The following FOLH1 variants were observed in gnomAD, a reference collection of about 807,000 sequenced individuals.
FOLH1 encodes the protein glutamate carboxypeptidase 2.
A neutral mutation model predicts 93.9 loss-of-function variants in FOLH1; 54 were observed. The ratio of observed to expected loss-of-function variants is 0.57; its 90% CI spans 0.46 to 0.72. The LOEUF (loss-of-function observed/expected upper bound fraction) is 0.72, where lower values mean the gene tolerates loss of function less well. Among genes scored for constraint, FOLH1 ranks in the 30% least tolerant of loss-of-function variants. FOLH1 has a pLI of 0.00. For missense variants in FOLH1, 571 were observed against 892.5 expected, an observed-to-expected ratio of 0.64 and a Z score of 4.59; for synonymous variants, 249 against 303.6, an observed-to-expected ratio of 0.82 and a Z score of 1.87.
rs774222783 is a variant in FOLH1 at position 49,158,055 on chromosome 11, A to G, written c.1441-12T>C. On this transcript the variant is annotated splice_polypyrimidine_tract_variant and intron_variant, in intron 13 of 18. Coordinates refer to ENST00000256999, the MANE Select transcript of FOLH1 (RefSeq NM_004476.3). ...TCAGGGCTTTTCAGCTACACAAATT[A>G]AAAGAAAAAAAGAGAATACTTACAA... 1 of 1,535,996 alleles carries G rather than the reference A, an allele frequency of 6.5e-7. No homozygotes were observed. The highest frequency in any genetic ancestry group is 1.2e-5 in the South Asian group (1 of 81,428).
At position 49,171,254 on chromosome 11, in the gene FOLH1, A is replaced by C. The variant is rs1859222029; in HGVS notation, c.1249T>G (p.Leu417Val). ...TCTTCTGCATCCCAGCTTGCAAACA[A>C]AATTGTTCTTCTAGGTCTCCACCCT... ...KEGWRPRRTILFASWDAEEFG... is the reference protein window; with the variant it reads ...KEGWRPRRTIVFASWDAEEFG... The change falls in exon 11 of 19, where the codon TTG (leucine) becomes GTG (valine). Residue 417 changes from leucine to valine, a missense_variant. Physicochemically the swap from Leu to Val is conservative, Grantham distance 32. This residue lies in a region of FOLH1 where 500 missense variants were observed against 822.9 expected (regional missense o/e 0.61). Coordinates refer to ENST00000256999, the MANE Select transcript of FOLH1 (RefSeq NM_004476.3). 2.5e-6 allele frequency: 4 copies of C among 1,587,034 alleles called. No individual in the cohort carries two copies. Among genetic ancestry groups the C allele is most frequent in the Non-Finnish European group, 2.6e-6 (3 of 1,169,022 alleles).
rs114473055 is a variant in FOLH1 at position 49,166,113 on chromosome 11, A to T, written c.1373-1341T>A. Among the ~76,000 whole-genome samples, 627 of 152,336 alleles carry T rather than the reference A, an allele frequency of 4.1e-3. 6 individuals carry two copies. The highest frequency in any genetic ancestry group is 0.024 in the Middle Eastern group (7 of 294). ...ATTTGTCCTATTGAATACATTGTAG[A>T]TTTTTGTTGTCTGGTGGTAGTGTTT... On this transcript the variant is annotated intron_variant, in intron 12 of 18. Transcript: ENST00000256999.
intron 4 of FOLH1, among the ~76,000 whole-genome samples, chr11:49,187,350 C>G (rs1256191889): frequency 2.0e-5 from 3 of 152,038 alleles, no homozygotes; most frequent in African/African-American, 7.2e-5. Flanking sequence ...ACCTTTTTTG[C>G]TCACCTATTC....
In FOLH1 at chr11:49,183,162, G is replaced by C; in HGVS notation, c.907C>G (p.Gln303Glu). The C allele has an allele frequency of 1.9e-6, 3 of 1,609,374 alleles. No individual in the cohort carries two copies. The highest frequency in any genetic ancestry group is 2.5e-6 in the Non-Finnish European group (3 of 1,177,942). ...TTACAAACTTACTCTAGGAGCTTCT[G>C]TGCATCATAGTATCCAATTGGATGA... ...PVHPIGYYDAQKLLEKMGGSA... is the reference protein window; with the variant it reads ...PVHPIGYYDAEKLLEKMGGSA... The change falls in exon 7 of 19, where the codon CAG becomes GAG. Residue 303 changes from glutamine to glutamate, a missense_variant. Around this residue, in one of 2 missense-constraint regions of FOLH1, gnomAD observed 500 missense variants for 822.9 expected, o/e 0.61. Transcript: ENST00000256999.
At chr11:49,157,663 T>A (rs1476497814) in intron 14 of FOLH1, among the ~76,000 whole-genome samples, 1 of 151,868 alleles carries the variant, frequency 6.6e-6, no homozygotes, top group Non-Finnish European at 1.5e-5. Context: ...CCAAAACACT[T>A]CTCATCCCAC....
intron 2 of FOLH1, among the ~76,000 whole-genome samples, chr11:49,203,660 A>G (rs1288775011): frequency 1.3e-5 from 2 of 152,164 alleles, no homozygotes; most frequent in Admixed American, 6.5e-5. Context: ...TTCTGGTTAG[A>G]GGAGCTTGGT....
At chr11:49,171,712 G>A (rs1416383141) in intron 10 of FOLH1, among the ~76,000 whole-genome samples, 2 of 151,946 alleles carry the variant, frequency 1.3e-5, no homozygotes, top group African/African-American at 4.8e-5. Context: ...CAGCTGGTCC[G>A]TATGATTTCA....
chr11:49,203,333 G>A lies in FOLH1; in HGVS notation c.224+2734C>T, dbSNP rs185558485. Among the ~76,000 whole-genome samples the A allele has an allele frequency of 7.7e-3, 1,172 of 152,250 alleles. 12 individuals are homozygous for A. Among genetic ancestry groups the A allele is most frequent in the Middle Eastern group, 0.02 (6 of 294 alleles). On this transcript the variant is annotated intron_variant, in intron 2 of 18. Coordinates refer to ENST00000256999, the MANE Select transcript of FOLH1 (RefSeq NM_004476.3). ...AAGAAGGGAAAACACAGACAACCCTGTACATCAAGGCAGAGTGAAAAAAAG... is the reference window on the plus strand; with the variant it reads ...AAGAAGGGAAAACACAGACAACCCTATACATCAAGGCAGAGTGAAAAAAAG...
intron 4 of FOLH1, among the ~76,000 whole-genome samples, chr11:49,187,718 G>A (rs1228935745): frequency 1.3e-5 from 2 of 152,152 alleles, no homozygotes; most frequent in African/African-American, 4.8e-5. Flanking sequence ...GGTCAATGAA[G>A]GACTTTTTGC....
At chr11:49,198,656 C>T (rs183136825) in intron 3 of FOLH1, among the ~76,000 whole-genome samples, 2 of 152,024 alleles carry the variant, frequency 1.3e-5, no homozygotes, top group East Asian at 3.9e-4. Flanking sequence ...TTAAAGACCC[C>T]TCGGTATTTA....
intron 4 of FOLH1, among the ~76,000 whole-genome samples, chr11:49,190,174 T>C (rs1488235685): frequency 1.3e-5 from 2 of 152,208 alleles, no homozygotes; most frequent in African/African-American, 2.4e-5. Flanking sequence ...TTTGAGGAGA[T>C]TGTACCTTTA....
chr11:49,183,117 A>G (rs778030923), intron 7 of FOLH1, 32 bp downstream of exon 7: 2 of 1,553,918 alleles, frequency 1.3e-6, no homozygotes, highest in East Asian at 4.5e-5. Flanking sequence ...AAAATTACCC[A>G]AATAGCCATC....
chr11:49,163,116 G>T (rs1857911040), intron 13 of FOLH1, among the ~76,000 whole-genome samples: 1 of 151,874 alleles, frequency 6.6e-6, no homozygotes, highest in South Asian at 2.1e-4. Flanking sequence ...CTGTGCTGTG[G>T]TGAGGGTCCA....
chr11:49,154,183 T>C lies in FOLH1; in HGVS notation c.1888+45A>G, dbSNP rs747902803. The C allele has an allele frequency of 5.6e-6, 9 of 1,598,692 alleles. No homozygotes were observed. The South Asian group carries it at 7.9e-5, about 14-fold the overall frequency. ...TAGCCCATTATATTTAGGAGATTAA[T>C]AGAACCATACAGATGAGGAATTTGA... On this transcript the variant is annotated intron_variant, in intron 16 of 18. Coordinates refer to ENST00000256999, the MANE Select transcript of FOLH1 (RefSeq NM_004476.3).
In FOLH1 at chr11:49,206,150, A is replaced by G. The variant is rs1863909357; in HGVS notation, c.141T>C (p.Asn47=). 1 of 1,612,296 alleles carries G rather than the reference A, an allele frequency of 6.2e-7. No homozygotes were observed. Among genetic ancestry groups the G allele is most frequent in the Non-Finnish European group, 8.5e-7 (1 of 1,179,234 alleles). Residue 47 remains asparagine (N), a synonymous_variant, in exon 2 of 19, where the codon AAT becomes AAC. Coordinates refer to ENST00000256999, the MANE Select transcript of FOLH1 (RefSeq NM_004476.3). ...GCTTTGGAGTAATGTTAGTAGCTTC[A>G]TTGGAGGATTTTATAAACCACCCTG... ...FLFGWFIKSS[N]EATNITPKHN...
At chr11:49,183,656 T>C (rs956376657) in intron 6 of FOLH1, among the ~76,000 whole-genome samples, 8 of 152,138 alleles carry the variant, frequency 5.3e-5, no homozygotes, top group Non-Finnish European at 8.8e-5. Flanking sequence ...ATCCGTAGTA[T>C]AATCCCACAA....
chr11:49,185,089 C>G, intron 6 of FOLH1, among the ~76,000 whole-genome samples: 1 of 152,186 alleles, frequency 6.6e-6, no homozygotes, highest in Admixed American at 6.5e-5. Flanking sequence ...TGTTATCTTA[C>G]AGAAATGAAG....
At chr11:49,188,437 C>T (rs1394901155) in intron 4 of FOLH1, among the ~76,000 whole-genome samples, 5 of 148,576 alleles carry the variant, frequency 3.4e-5, no homozygotes, top group Admixed American at 2.1e-4. Flanking sequence ...TGCTTGAACA[C>T]GGGAGGTGGA....
intron 1 of FOLH1, chr11:49,206,772 A>G (rs1368909734): frequency 6.5e-7 from 1 of 1,535,778 alleles, no homozygotes; most frequent in Non-Finnish European, 8.7e-7. Context: ...TGAAACTACA[A>G]TTTACCCAGC....
Sources: gnomAD v4.1 joint callset for allele counts (sites outside exome capture counted in the v4.1 genomes callset) on GRCh38, gnomAD v4.1.1 for gene constraint, gnomAD v4.1.1 regional missense constraint, MANE v1.5 for transcripts, NCBI Gene and HGNC (gene_info 2026-07-23, HGNC 2026-07-21) for gene names.